Variants in CTDSPL2 observed in about 807,000 individuals in gnomAD.
CTDSPL2 encodes CTD small phosphatase-like protein 2.
Under a neutral mutation model 60.0 loss-of-function variants are expected in CTDSPL2, and 5 were observed. The observed-to-expected ratio is 0.08, with a 90% CI of 0.04 to 0.18. CTDSPL2 has a LOEUF of 0.18. Among genes scored for constraint, CTDSPL2 ranks in the 10% least tolerant of loss-of-function variants. The pLI is 1.00. For synonymous variants in CTDSPL2, 186 were observed against 189.3 expected (o/e 0.98, Z 0.14); for missense variants, 370 against 548.8 (o/e 0.67, Z 3.26).
chr15:44,525,557 G>A lies in CTDSPL2; in HGVS notation c.*1383G>A, dbSNP rs1282398064. ...AGAACGGCACTTTTTCTAAAGAGAA[G>A]TTTGATATTTTGTATGCTTGTTAAG... On this transcript the variant is annotated 3_prime_UTR_variant, in exon 13 of 13. Transcript: ENST00000260327. The A allele has an allele frequency of 1.0e-5, 4 of 398,472 alleles. No individual in the cohort carries two copies. Among genetic ancestry groups the A allele is most frequent in the African/African-American group, 4.1e-5 (2 of 48,614 alleles). 24.7% of individuals were successfully genotyped at this position (398,472 alleles called of 1,614,324 possible). A position where few individuals can be genotyped will look rare whatever the true frequency, so the allele number is the denominator to read the frequency against.
intron 2 of CTDSPL2, among the ~76,000 whole-genome samples, chr15:44,478,569 C>T (rs1374618784): frequency 6.7e-6 from 1 of 150,048 alleles, no homozygotes; most frequent in Admixed American, 6.7e-5. Flanking sequence ...GATATAAAAT[C>T]CTTAACTCAC....
At chr15:44,456,681 C>CA (rs2080448951) in intron 1 of CTDSPL2, among the ~76,000 whole-genome samples, 1 of 151,690 alleles carries the variant, frequency 6.6e-6, no homozygotes, top group Non-Finnish European at 1.5e-5. Context: ...TTAATCTTTT[C>CA]AAAAAACCAG....
At chr15:44,456,866 CT>C (rs1381463468) in intron 1 of CTDSPL2, among the ~76,000 whole-genome samples, 40 of 99,652 alleles carry the variant, frequency 4.0e-4, no homozygotes, top group South Asian at 1.7e-3. Context: ...TTTTTTTTTT[CT>C]TTTTTTTTTT....
intron 1 of CTDSPL2, among the ~76,000 whole-genome samples, chr15:44,452,908 A>G (rs1018135497): frequency 3.3e-5 from 5 of 151,948 alleles, no homozygotes; most frequent in Non-Finnish European, 7.4e-5. Context: ...AGGACTTTAT[A>G]TATTCTACAT....
At chr15:44,518,292 A>T (rs2556567) in intron 10 of CTDSPL2, among the ~76,000 whole-genome samples, 15,068 of 152,138 alleles carry the variant, frequency 0.099, 1,542 homozygotes, top group African/African-American at 0.24. Context: ...ATTATATGAA[A>T]CAATTATTAG....
chr15:44,478,692 T>TG (rs2080968868), intron 2 of CTDSPL2, among the ~76,000 whole-genome samples: 1 of 152,088 alleles, frequency 6.6e-6, no homozygotes, highest in South Asian at 2.1e-4. Flanking sequence ...GAACATGTCT[T>TG]GGATTGACCT....
rs185709015 is a variant in CTDSPL2, at chr15:44,466,613, G to A, written c.186+7413G>A. On this transcript the variant is annotated intron_variant, in intron 2 of 12. Coordinates refer to ENST00000260327, the MANE Select transcript of CTDSPL2 (RefSeq NM_016396.3). ...CTACTTATCTAGGCTATGTGGTATAGCTTTTTGCTCCTAGGCTACAAACCT... is the reference window on the plus strand; with the variant it reads ...CTACTTATCTAGGCTATGTGGTATAACTTTTTGCTCCTAGGCTACAAACCT... Among the ~76,000 whole-genome samples, 16 of 152,266 alleles carry A rather than the reference G, an allele frequency of 1.1e-4. 1 individual carries two copies. Among genetic ancestry groups the A allele is most frequent in the African/African-American group, 3.8e-4 (16 of 41,562 alleles).
At chr15:44,434,632 G>A (rs1233804035) in intron 1 of CTDSPL2, among the ~76,000 whole-genome samples, 1 of 152,168 alleles carries the variant, frequency 6.6e-6, no homozygotes, top group Non-Finnish European at 1.5e-5. Context: ...AGTCTCAAGT[G>A]ACCTCTTCCT....
intron 1 of CTDSPL2, among the ~76,000 whole-genome samples, chr15:44,443,256 G>A (rs986852376): frequency 3.3e-4 from 50 of 152,268 alleles, no homozygotes; most frequent in African/African-American, 1.2e-3. Flanking sequence ...TTTTAAGGCT[G>A]AATACTACTT....
chr15:44,428,995 T>C (rs1212497814), intron 1 of CTDSPL2, among the ~76,000 whole-genome samples: 1 of 152,228 alleles, frequency 6.6e-6, no homozygotes, highest in Admixed American at 6.5e-5. Context: ...GTAGGTTTTT[T>C]TGTTTTCACT....
chr15:44,492,212 T>C (rs1216649830), intron 5 of CTDSPL2, among the ~76,000 whole-genome samples: 1 of 152,142 alleles, frequency 6.6e-6, no homozygotes, highest in African/African-American at 2.4e-5. Context: ...GGCATGTGCC[T>C]GTAGTCCTAA....
At chr15:44,503,220 GT>G (rs142996036) in intron 8 of CTDSPL2, among the ~76,000 whole-genome samples, 1,900 of 148,386 alleles carry the variant, frequency 0.013, 15 homozygotes, top group Non-Finnish European at 0.019. Flanking sequence ...TCTTAAATTG[GT>G]TTTTTTTTTA....
At chr15:44,474,410 A>G (rs2080873021) in intron 2 of CTDSPL2, among the ~76,000 whole-genome samples, 1 of 151,730 alleles carries the variant, frequency 6.6e-6, no homozygotes, top group African/African-American at 2.4e-5. Flanking sequence ...AGATCGCTTG[A>G]ACCCAGGAGG....
chr15:44,444,836 GTTTTTTTTTTTTT>G (rs35160726), intron 1 of CTDSPL2, among the ~76,000 whole-genome samples: 1,905 of 69,604 alleles, frequency 0.027, 107 homozygotes, highest in African/African-American at 0.11. Context: ...ATGGAATGTA[GTTTTTTTTTTTTT>G]TTTTTTTTTT....
rs762854322 is a variant in CTDSPL2 at position 44,496,352 on chromosome 15, A to G, written c.692-28A>G. The G allele has an allele frequency of 3.3e-6, 5 of 1,517,778 alleles. No homozygotes were observed. In the Admixed American group the frequency reaches 8.6e-5, roughly 26 times the overall value. 94.0% of individuals were successfully genotyped at this position (1,517,778 alleles called of 1,614,324 possible). On this transcript the variant is annotated intron_variant, in intron 5 of 12. Coordinates refer to ENST00000260327, the MANE Select transcript of CTDSPL2 (RefSeq NM_016396.3). Reference sequence around the variant, plus strand: ...TTTCATGAAGCATTAAGTAAAAGCAACATTTTTTCTTTCACTATGTTAAAT... The same window carrying G: ...TTTCATGAAGCATTAAGTAAAAGCAGCATTTTTTCTTTCACTATGTTAAAT...
At chr15:44,484,723 G>A (rs1433727307) in intron 3 of CTDSPL2, among the ~76,000 whole-genome samples, 1 of 152,198 alleles carries the variant, frequency 6.6e-6, no homozygotes, top group Non-Finnish European at 1.5e-5. Flanking sequence ...CTGGGTGACA[G>A]AGTGAGACTC....
At chr15:44,495,301 G>A (rs2081280007) in intron 5 of CTDSPL2, among the ~76,000 whole-genome samples, 1 of 152,092 alleles carries the variant, frequency 6.6e-6, no homozygotes, top group Non-Finnish European at 1.5e-5. Flanking sequence ...TTATAGTCGT[G>A]GCCGGGTGCG....
intron 8 of CTDSPL2, among the ~76,000 whole-genome samples, chr15:44,510,257 C>A (rs962031461): frequency 6.6e-6 from 1 of 152,150 alleles, no homozygotes; most frequent in Non-Finnish European, 1.5e-5. Context: ...CTTGGCCTCC[C>A]AAAGTGCTGG....
chr15:44,475,408 G>A (rs1476493576), intron 2 of CTDSPL2, among the ~76,000 whole-genome samples: 3 of 152,212 alleles, frequency 2.0e-5, no homozygotes, highest in African/African-American at 7.2e-5. Context: ...GGAGGCCGAG[G>A]CAGGTGGATC....
Sources: gnomAD v4.1 joint callset for allele counts (sites outside exome capture counted in the v4.1 genomes callset) on GRCh38, gnomAD v4.1.1 for gene constraint, MANE v1.5 for transcripts, NCBI Gene and HGNC (gene_info 2026-07-23, HGNC 2026-07-21) for gene names.